Variants in CD320 observed in about 807,000 individuals in gnomAD.
CD320 encodes CD320 molecule, also known as CD320 antigen.
In CD320, 16 loss-of-function variants were observed where a neutral mutation model predicts 22.1. The observed-to-expected ratio is 0.73, with a 90% confidence interval of 0.49 to 1.10. CD320 has a LOEUF of 1.10. CD320 is among the 50% of genes least tolerant of loss of function. CD320 has a pLI of 0.00. For missense variants in CD320, 388 were observed against 376.9 expected (o/e 1.03, Z -0.24); for synonymous variants, 188 against 167.8 (o/e 1.12, Z -0.93).
At chr19:8,306,847 T>C (rs1240617939) in intron 1 of CD320, among the ~76,000 whole-genome samples, 5 of 152,170 alleles carry the variant, frequency 3.3e-5, no homozygotes, top group African/African-American at 4.8e-5. Flanking sequence ...CGGGAGTGTG[T>C]ATCCCTCTGC....
rs1259888642 is a variant in CD320, at chr19:8,308,167, T to C, written c.124A>G (p.Thr42Ala). Residue 42 changes from threonine to alanine, a missense_variant, in exon 1 of 5, where the codon ACC becomes GCC. By Grantham distance (58) the Thr-to-Ala change is moderately conservative. Transcript: ENST00000301458. ...EAAASPLSTP[T>A]SAQAAGPSSG... ...CACTCACCTGCGGCCTGGGCAGAGG[T>C]CGGGGTGGAAAGCGGGCTCGCGGCG... 3.2e-6 allele frequency: 5 copies of C among 1,548,946 alleles called. No individual in the cohort carries two copies. The highest frequency in any genetic ancestry group is 3.5e-6 in the Non-Finnish European group (4 of 1,156,108).
Position 8,302,443 on chromosome 19 carries a change from G to A in CD320, c.*20C>T, listed in dbSNP as rs773089602. On this transcript the variant is annotated 3_prime_UTR_variant, in exon 5 of 5. Coordinates refer to ENST00000301458, the MANE Select transcript of CD320 (RefSeq NM_016579.4). ...CGGCTACGCCCAGGGCTGAGTGACGGTGGTGGCAAGTGCTTGTCCTCAGGG... is the reference window on the plus strand; with the variant it reads ...CGGCTACGCCCAGGGCTGAGTGACGATGGTGGCAAGTGCTTGTCCTCAGGG... 1.9e-6 allele frequency: 3 copies of A among 1,614,074 alleles called. No homozygotes were observed. The highest frequency in any genetic ancestry group is 2.2e-5 in the South Asian group (2 of 91,088).
chr19:8,302,838 T>C lies in CD320; in HGVS notation c.645A>G (p.Thr215=), dbSNP rs1193387304. 8 of 1,614,028 alleles carry C rather than the reference T, an allele frequency of 5.0e-6. No individual in the cohort carries two copies. In the South Asian group the frequency reaches 7.7e-5, roughly 16 times the overall value. ...LESVPSVGNA[T]SSSAGDQSGS... ...CAGACTGGTCTCCGGCAGAGGAGGA[T>C]GTGGCATTCCCGACAGAGGGGACAC... is the stretch of plus-strand genomic sequence containing the variant. Residue 215 remains threonine, a synonymous_variant, in exon 4 of 5, where the codon ACA becomes ACG. Coordinates refer to ENST00000301458, the MANE Select transcript of CD320 (RefSeq NM_016579.4).
chr19:8,303,774 G>A (rs1970044626), intron 3 of CD320, 81 bp downstream of exon 3: 6 of 940,522 alleles, frequency 6.4e-6, no homozygotes, highest in South Asian at 1.4e-5. Flanking sequence ...ATGTGTCCAC[G>A]CCCCCAGCCT....
intron 1 of CD320, chr19:8,305,414 G>T (rs1970074584): frequency 4.6e-6 from 2 of 431,726 alleles, no homozygotes; most frequent in South Asian, 2.1e-5. Flanking sequence ...AGGCCATACA[G>T]CTGGTGGCAG....
intron 2 of CD320, chr19:8,304,688 C>T (rs8113340): frequency 7.2e-5 from 15 of 208,010 alleles, no homozygotes; most frequent in African/African-American, 2.7e-4. Context: ...TTTCATTTTT[C>T]TTTTTTTTTT....
In CD320 at chr19:8,308,333, T is replaced by C; in HGVS notation, c.-43A>G. The C allele has an allele frequency of 1.3e-6, 2 of 1,572,416 alleles. No individual in the cohort carries two copies. Among genetic ancestry groups the C allele is most frequent in the Non-Finnish European group, 1.7e-6 (2 of 1,166,456 alleles). On this transcript the variant is annotated 5_prime_UTR_variant, in exon 1 of 5. Coordinates refer to ENST00000301458, the MANE Select transcript of CD320 (RefSeq NM_016579.4). Reference sequence around the variant, plus strand: ...GCCGGCCACGCGCTGTCCAGACCGCTCTCTTATCCCTGCGCACGCGCACGC... The same window carrying C: ...GCCGGCCACGCGCTGTCCAGACCGCCCTCTTATCCCTGCGCACGCGCACGC...
chr19:8,303,753 C>T (rs1331263348), intron 3 of CD320, 102 bp downstream of exon 3: 14 of 788,158 alleles, frequency 1.8e-5, no homozygotes, highest in African/African-American at 8.5e-5. Flanking sequence ...GATGCAGGCA[C>T]GGGCAAAGGC....
intron 1 of CD320, among the ~76,000 whole-genome samples, chr19:8,306,685 C>A (rs1454832385): frequency 6.6e-6 from 1 of 152,240 alleles, no homozygotes; most frequent in African/African-American, 2.4e-5. Context: ...CCACAGGGTC[C>A]CTGAGCTCTA....
chr19:8,303,114 C>CTTT (rs909856646), intron 3 of CD320, 134 bp from the exon 4 acceptor site: 156 of 519,578 alleles, frequency 3.0e-4, no homozygotes, highest in East Asian at 5.9e-4. Context: ...GTAATTATGT[C>CTTT]TTTTTTTTTT....
At chr19:8,307,445 G>A (rs962926344) in intron 1 of CD320, among the ~76,000 whole-genome samples, 2 of 152,184 alleles carry the variant, frequency 1.3e-5, no homozygotes, top group Admixed American at 1.3e-4. Flanking sequence ...AGCTGGGAAA[G>A]TGTGTGAGCC....
chr19:8,305,305 G>T, intron 1 of CD320, 149 bp from the exon 2 acceptor site: 1 of 921,872 alleles, frequency 1.1e-6, no homozygotes, highest in Non-Finnish European at 1.6e-6. Context: ...TGAGCCCCTA[G>T]TACGAGTGGG....
intron 1 of CD320, among the ~76,000 whole-genome samples, chr19:8,307,402 T>TC (rs1196671009): frequency 1.3e-5 from 2 of 149,630 alleles, no homozygotes; most frequent in Non-Finnish European, 3.0e-5. Flanking sequence ...TTGGGATGAG[T>TC]CCAGGGACCT....
rs114265368 is a variant in CD320 at position 8,302,998 on chromosome 19, G to T, written c.503-18C>A. 9 of 1,609,000 alleles carry T rather than the reference G, an allele frequency of 5.6e-6. No individual in the cohort carries two copies. The African/African-American group carries it at 1.1e-4, about 19-fold the overall frequency. On this transcript the variant is annotated intron_variant, in intron 3 of 4. Transcript: ENST00000301458. ...ATTGGTTCCTGCAATAAGCCCAGGCGTTCAGTAGTTGAGGAGAGAGCACTG... is the reference window on the plus strand; with the variant it reads ...ATTGGTTCCTGCAATAAGCCCAGGCTTTCAGTAGTTGAGGAGAGAGCACTG...
chr19:8,308,318 C>G lies in CD320; in HGVS notation c.-28G>C, dbSNP rs1304967880. 6.3e-7 allele frequency: 1 copy of G among 1,579,356 alleles called. No homozygotes were observed. The highest frequency in any genetic ancestry group is 8.5e-7 in the Non-Finnish European group (1 of 1,170,196). On this transcript the variant is annotated 5_prime_UTR_variant, in exon 1 of 5. Transcript: ENST00000301458. ...TGTCCCCACAGCGGCGCCGGCCACG[C>G]GCTGTCCAGACCGCTCTCTTATCCC... is the stretch of plus-strand genomic sequence containing the variant.
At chr19:8,305,272 C>A in intron 1 of CD320, 116 bp from the exon 2 acceptor site, 1 of 1,307,524 alleles carries the variant, frequency 7.6e-7, no homozygotes, top group Non-Finnish European at 1.1e-6. Flanking sequence ...GATATAGGAA[C>A]CACACTGGCG....
chr19:8,304,547 T>G (rs145763902), intron 2 of CD320, among the ~76,000 whole-genome samples: 2,409 of 152,244 alleles, frequency 0.016, 63 homozygotes, highest in African/African-American at 0.056. Context: ...TTCACTGTGT[T>G]GGCCAGGCTG....
intron 3 of CD320, 67 bp from the exon 4 acceptor site, chr19:8,303,047 C>T: frequency 7.2e-7 from 1 of 1,391,564 alleles, no homozygotes; most frequent in South Asian, 1.2e-5. Flanking sequence ...GCCAGATGCC[C>T]AGGGGAGCCC....
intron 1 of CD320, among the ~76,000 whole-genome samples, chr19:8,306,679 A>G (rs1396669861): frequency 6.6e-6 from 1 of 152,176 alleles, no homozygotes; most frequent in Non-Finnish European, 1.5e-5. Context: ...TACTTGCCAC[A>G]GGGTCCCTGA....
Sources: allele counts gnomAD v4.1 joint callset (sites outside exome capture counted in the v4.1 genomes callset), GRCh38; gene constraint gnomAD v4.1.1; transcripts MANE v1.5; gene names NCBI Gene and HGNC (gene_info 2026-07-23, HGNC 2026-07-21).